MAB21L3: variants seen among roughly 807,000 people sequenced by gnomAD.
MAB21L3 encodes mab-21 like 3.
MAB21L3 carries 36 observed loss-of-function variants against 37.7 expected under a neutral mutation model. That is an observed-to-expected ratio of 0.96 (90% CI 0.73 to 1.26). MAB21L3 has a LOEUF of 1.26. Ranked by LOEUF, MAB21L3 falls within the 50% of genes most tolerant of loss-of-function variation. MAB21L3 has a pLI of 0.00. For missense variants in MAB21L3, 430 were observed against 447.3 expected (o/e 0.96, Z 0.35); for synonymous variants, 186 against 176.8 (o/e 1.05, Z -0.41).
In MAB21L3 at chr1:116,128,050, C is replaced by G. The variant is rs533178869; in HGVS notation, c.661-95C>G. ...GTAGGATGTGCTGTCTGCCTGGTGA[C>G]AAGTTCCCCAGACCAGCAGACTGCT... On this transcript the variant is annotated intron_variant, in intron 6 of 7. Coordinates refer to ENST00000369500, the MANE Select transcript of MAB21L3 (RefSeq NM_152367.3). 57 of 1,328,500 alleles carry G rather than the reference C, an allele frequency of 4.3e-5. No individual in the cohort carries two copies. In the South Asian group the frequency reaches 7.3e-4, roughly 17 times the overall value. The allele number at this position is 1,328,500 out of a possible 1,614,324, so 82.3% of individuals were successfully genotyped here.
At chr1:116,117,158 CATACATATATATATATATATATAT>C (rs1659609953) in intron 3 of MAB21L3, among the ~76,000 whole-genome samples, 1 of 86,072 alleles carries the variant, frequency 1.2e-5, no homozygotes, top group African/African-American at 5.8e-5. Flanking sequence ...TCAAAATATA[CATACATATATATATATATATATAT>C]ATATATATAT....
Position 116,127,529 on chromosome 1 carries a change from A to C in MAB21L3, c.545A>C (p.Gln182Pro). 6.2e-7 allele frequency: 1 copy of C among 1,614,214 alleles called. No homozygotes were observed. The highest frequency in any genetic ancestry group is 1.1e-5 in the South Asian group (1 of 91,082). Reference protein sequence around the residue: ...VWVAVETSAYQVELELVPAVE... With the variant: ...VWVAVETSAYPVELELVPAVE... The stretch of plus-strand genomic sequence containing the variant: ...GTTGCTGTGGAAACATCTGCATATC[A>C]GGTGGAACTGGAGCTGGTCCCCGCA... The change falls in exon 6 of 8, where the codon CAG (glutamine) becomes CCG (proline). Residue 182 changes from glutamine (Q) to proline (P), a missense_variant. By Grantham distance (76) the Gln-to-Pro change is moderately conservative. Transcript: ENST00000369500.
chr1:116,129,949 A>G (rs1249802565), intron 7 of MAB21L3, among the ~76,000 whole-genome samples: 1 of 152,144 alleles, frequency 6.6e-6, no homozygotes, highest in Non-Finnish European at 1.5e-5. Context: ...TTCCCTAAAA[A>G]CACGCAGGCT....
In MAB21L3 at chr1:116,124,334, C is replaced by A; in HGVS notation, c.458C>A (p.Ala153Glu). 6.2e-7 allele frequency: 1 copy of A among 1,613,312 alleles called. No individual in the cohort carries two copies. Residue 153 changes from alanine to glutamate, a missense_variant, in exon 5 of 8, where the codon GCA becomes GAA. Physicochemically the swap from Ala to Glu is moderately radical, Grantham distance 107. Coordinates refer to ENST00000369500, the MANE Select transcript of MAB21L3 (RefSeq NM_152367.3). ...LLVFRKLVEN[A>E]VRTCHLSGKV... ...GTGTTCCGGAAGCTGGTGGAAAATGCAGTTAGAACCTGTCACCTCTCAGGT... is the reference window on the plus strand; with the variant it reads ...GTGTTCCGGAAGCTGGTGGAAAATGAAGTTAGAACCTGTCACCTCTCAGGT...
chr1:116,119,390 G>A (rs958034824), intron 3 of MAB21L3, among the ~76,000 whole-genome samples: 4 of 148,774 alleles, frequency 2.7e-5, no homozygotes, highest in Admixed American at 6.6e-5. Flanking sequence ...TGGCTTGCTG[G>A]TTGATGAGAA....
intron 5 of MAB21L3, among the ~76,000 whole-genome samples, chr1:116,125,453 G>T (rs765346683): frequency 2.0e-5 from 3 of 152,182 alleles, no homozygotes; most frequent in Non-Finnish European, 4.4e-5. Context: ...ATTAAATTAT[G>T]CTATCTCTGC....
chr1:116,119,814 C>T (rs762433450), intron 3 of MAB21L3, among the ~76,000 whole-genome samples: 16 of 152,178 alleles, frequency 1.1e-4, no homozygotes, highest in Non-Finnish European at 2.4e-4. Flanking sequence ...TTCCCACAAA[C>T]ATCTATTTCC....
chr1:116,121,565 C>T (rs545775434), intron 4 of MAB21L3, among the ~76,000 whole-genome samples: 212 of 152,050 alleles, frequency 1.4e-3, no homozygotes, highest in Non-Finnish European at 2.6e-3. Flanking sequence ...TATTAAGCAC[C>T]TACTTAATAG....
chr1:116,128,315 G>A lies in MAB21L3; in HGVS notation c.831G>A (p.Pro277=), dbSNP rs149437966. Residue 277 remains proline, a synonymous_variant, in exon 7 of 8, where the codon CCG becomes CCA. Coordinates refer to ENST00000369500, the MANE Select transcript of MAB21L3 (RefSeq NM_152367.3). ...KEDIWCPGNR[P]VITSHHLQTV... is the part of the protein sequence containing the mutation. ...ACATCTGGTGCCCAGGGAACAGGCC[G>A]GTTATCACGTCCCACCATCTGCAGG... is the stretch of plus-strand genomic sequence containing the variant. 729 of 1,612,710 alleles carry A rather than the reference G, an allele frequency of 4.5e-4. 1 individual carries two copies. Among genetic ancestry groups the A allele is most frequent in the Admixed American group, 6.7e-4 (40 of 59,938 alleles).
At chr1:116,127,420 T>C (rs1288601315) in intron 5 of MAB21L3, 46 bp from the exon 6 acceptor site, 1 of 1,584,810 alleles carries the variant, frequency 6.3e-7, no homozygotes, top group East Asian at 2.2e-5. Flanking sequence ...GCTTGTAATG[T>C]GCAAACCTTT....
At chr1:116,123,625 C>T (rs1311436859) in intron 4 of MAB21L3, among the ~76,000 whole-genome samples, 2 of 152,180 alleles carry the variant, frequency 1.3e-5, no homozygotes, top group Non-Finnish European at 2.9e-5. Flanking sequence ...GATCTCCAAG[C>T]CCCTCTGCAT....
chr1:116,133,694 A>G lies in MAB21L3; in HGVS notation c.*329A>G. On this transcript the variant is annotated 3_prime_UTR_variant, in exon 8 of 8. Coordinates refer to ENST00000369500, the MANE Select transcript of MAB21L3 (RefSeq NM_152367.3). ...TCAGGCTGTGATCGTCTCACAGTGA[A>G]GATGGAGACAGAACCCCTGGAAGTC... 2.6e-6 allele frequency: 1 copy of G among 384,634 alleles called. No individual in the cohort carries two copies. Among genetic ancestry groups the G allele is most frequent in the Non-Finnish European group, 4.8e-6 (1 of 206,640 alleles). The allele number at this position is 384,634 out of a possible 1,614,324, so 23.8% of individuals were successfully genotyped here.
At chr1:116,113,888 C>G (rs754812822) in intron 3 of MAB21L3, among the ~76,000 whole-genome samples, 2 of 152,138 alleles carry the variant, frequency 1.3e-5, no homozygotes, top group Non-Finnish European at 2.9e-5. Flanking sequence ...CTCCTGGTCC[C>G]CGCTGCCTCT....
intron 4 of MAB21L3, among the ~76,000 whole-genome samples, chr1:116,122,990 T>C (rs1186713571): frequency 1.3e-5 from 2 of 152,244 alleles, no homozygotes; most frequent in South Asian, 2.1e-4. Context: ...TATTGTTTTC[T>C]TAGAGTTAGA....
chr1:116,121,427 A>G (rs1659745540), intron 4 of MAB21L3, among the ~76,000 whole-genome samples: 1 of 152,212 alleles, frequency 6.6e-6, no homozygotes, highest in African/African-American at 2.4e-5. Flanking sequence ...GAGAAAAACT[A>G]GGCTCAGAGA....
chr1:116,114,491 G>T (rs996836460), intron 3 of MAB21L3, among the ~76,000 whole-genome samples: 5 of 152,148 alleles, frequency 3.3e-5, no homozygotes, highest in African/African-American at 1.2e-4. Flanking sequence ...AATTGAGAGG[G>T]TACTGAAGTT....
At chr1:116,111,567 C>G (rs1264640284) in intron 1 of MAB21L3, among the ~76,000 whole-genome samples, 57 bp downstream of exon 1, 1 of 151,898 alleles carries the variant, frequency 6.6e-6, no homozygotes, top group African/African-American at 2.4e-5. Flanking sequence ...TAGCAGACTC[C>G]GTGATGTTTA....
rs144435957 is a variant in MAB21L3, at chr1:116,124,122, C to T, written c.246C>T (p.Tyr82=). 9.6e-4 allele frequency: 1,543 copies of T among 1,613,944 alleles called. 13 individuals are homozygous for T. In the African/African-American group the frequency reaches 0.018, roughly 19 times the overall value. ...TCCCAATAAAAGGCCTGGCCGGGTA[C>T]AGGGAGGCCAGGGAGCAGCACTGGC... ...VTVPIKGLAG[Y]REAREQHWRY... Residue 82 remains tyrosine (Y), a synonymous_variant, in exon 5 of 8, where the codon TAC becomes TAT. Coordinates refer to ENST00000369500, the MANE Select transcript of MAB21L3 (RefSeq NM_152367.3).
chr1:116,126,517 T>TA (rs1191476058), intron 5 of MAB21L3, among the ~76,000 whole-genome samples: 1 of 152,024 alleles, frequency 6.6e-6, no homozygotes, highest in Non-Finnish European at 1.5e-5. Context: ...GAATGGATGG[T>TA]AAAAACAAAT....
Sources: allele counts gnomAD v4.1 joint callset (sites outside exome capture counted in the v4.1 genomes callset), GRCh38; gene constraint gnomAD v4.1.1; transcripts MANE v1.5; gene names NCBI Gene and HGNC (gene_info 2026-07-23, HGNC 2026-07-21).